The following MED12L variants were observed in gnomAD, a reference collection of about 807,000 sequenced individuals.
MED12L encodes mediator of RNA polymerase II transcription subunit 12-like protein.
Under a neutral mutation model 281.3 loss-of-function variants are expected in MED12L, and 60 were observed. That is an observed-to-expected ratio of 0.21 (90% CI 0.17 to 0.26). MED12L has a LOEUF of 0.26. Among genes scored for constraint, MED12L ranks in the 10% least tolerant of loss-of-function variants. The pLI is 1.00. For synonymous variants in MED12L, 974 were observed against 987.2 expected, an observed-to-expected ratio of 0.99 and a Z score of 0.25; for missense variants, 2,146 against 2,680.9, an observed-to-expected ratio of 0.80 and a Z score of 4.41.
chr3:151,184,928 T>TG (rs1576912586), intron 11 of MED12L, among the ~76,000 whole-genome samples: 1 of 152,030 alleles, frequency 6.6e-6, no homozygotes, highest in Non-Finnish European at 1.5e-5. Flanking sequence ...ATTGAGTGAG[T>TG]GGGGGGCCTG....
At chr3:151,255,861 ATC>A (rs1387146125) in intron 16 of MED12L, among the ~76,000 whole-genome samples, 1 of 152,162 alleles carries the variant, frequency 6.6e-6, no homozygotes, top group African/African-American at 2.4e-5. Flanking sequence ...TGGTAATGTA[ATC>A]TCTCTCAATC....
At chr3:151,267,852 A>T (rs1429649875) in intron 16 of MED12L, among the ~76,000 whole-genome samples, 1 of 152,208 alleles carries the variant, frequency 6.6e-6, no homozygotes, top group Non-Finnish European at 1.5e-5. Flanking sequence ...AATATCAAGG[A>T]AACAGCTGTC....
chr3:151,344,832 T>C (rs559646644), intron 16 of MED12L, among the ~76,000 whole-genome samples: 1 of 152,186 alleles, frequency 6.6e-6, no homozygotes, highest in Non-Finnish European at 1.5e-5. Context: ...ATTGTTGAAA[T>C]ATCAGAAAAT....
chr3:151,332,751 C>G (rs201632851), intron 16 of MED12L, among the ~76,000 whole-genome samples: 4 of 149,930 alleles, frequency 2.7e-5, no homozygotes. Context: ...TTTTTTTTAA[C>G]TTTATTTTAG....
At chr3:151,328,798 C>T in intron 16 of MED12L, 2 of 1,613,850 alleles carry the variant, frequency 1.2e-6, no homozygotes, top group Non-Finnish European at 1.7e-6. Context: ...AGTCGGCCAC[C>T]AAAGTGTTTT....
intron 39 of MED12L, among the ~76,000 whole-genome samples, chr3:151,404,345 G>A (rs1342668679): frequency 1.3e-5 from 2 of 152,156 alleles, no homozygotes; most frequent in African/African-American, 4.8e-5. Context: ...GTTTTAGAAT[G>A]AATCAGACTA....
intron 16 of MED12L, among the ~76,000 whole-genome samples, chr3:151,333,676 A>G (rs1750607569): frequency 6.6e-6 from 1 of 152,238 alleles, no homozygotes; most frequent in Non-Finnish European, 1.5e-5. Flanking sequence ...GTTTCCTAGA[A>G]GAAGGATTAT....
At position 151,277,780 on chromosome 3, in the gene MED12L, T is replaced by C. The variant is rs75130190; in HGVS notation, c.2251-72279T>C. Among the ~76,000 whole-genome samples the C allele has an allele frequency of 2.4e-4, 37 of 152,340 alleles. No homozygotes were observed. The East Asian group carries it at 7.1e-3, about 29-fold the overall frequency. ...AAAGGCATTTTATTTTAGTAGGTGT[T>C]AATGGGGTTAACTTATCCTAATAAT... On this transcript the variant is annotated intron_variant, in intron 16 of 44. Coordinates refer to ENST00000687756, the MANE Select transcript of MED12L (RefSeq NM_001393769.1).
Position 151,436,552 on chromosome 3 carries a change from C to G in MED12L, c.*3748C>G. 1 of 614,618 alleles carries G rather than the reference C, an allele frequency of 1.6e-6. No homozygotes were observed. The highest frequency in any genetic ancestry group is 3.3e-5 in the Admixed American group (1 of 30,062). 38.1% of individuals were successfully genotyped at this position (614,618 alleles called of 1,614,324 possible). ...TTCATAATGCATTTATTTACAAGTC[C>G]TTTTATTTTGCATGTTCATTGTAAA... On this transcript the variant is annotated 3_prime_UTR_variant, in exon 45 of 45. Coordinates refer to ENST00000687756, the MANE Select transcript of MED12L (RefSeq NM_001393769.1).
intron 16 of MED12L, among the ~76,000 whole-genome samples, chr3:151,231,815 G>A (rs1029928697): frequency 1.3e-5 from 2 of 152,164 alleles, no homozygotes; most frequent in Non-Finnish European, 1.5e-5. Context: ...GTGGTTAAGC[G>A]AGAGAGTATT....
chr3:151,164,868 G>GGT (rs1720481106), intron 9 of MED12L, among the ~76,000 whole-genome samples: 1 of 151,986 alleles, frequency 6.6e-6, no homozygotes, highest in African/African-American at 2.4e-5. Context: ...GGGGGTAGGG[G>GGT]GTAGGGATGG....
rs544136533 is a variant in MED12L at position 151,317,620 on chromosome 3, T to G, written c.2251-32439T>G. On this transcript the variant is annotated intron_variant, in intron 16 of 44. Transcript: ENST00000687756. ...TGCCCACGACTACACCCGGCTAATT[T>G]TTTGTATTTTTAGTAGAGACGGGGT... Among the ~76,000 whole-genome samples, 607 of 151,572 alleles carry G rather than the reference T, an allele frequency of 4.0e-3. 2 individuals are homozygous for G. The highest frequency in any genetic ancestry group is 0.013 in the African/African-American group (542 of 41,268).
At chr3:151,130,704 C>T (rs1472195576) in intron 5 of MED12L, among the ~76,000 whole-genome samples, 2 of 152,196 alleles carry the variant, frequency 1.3e-5, no homozygotes, top group Non-Finnish European at 2.9e-5. Context: ...TGGGCCTGCT[C>T]CCTTGCTCCA....
chr3:151,360,770 A>G (rs1382218340), intron 21 of MED12L, among the ~76,000 whole-genome samples, 165 bp downstream of exon 21: 2 of 152,158 alleles, frequency 1.3e-5, no homozygotes, highest in Admixed American at 6.6e-5. Flanking sequence ...ATATTAAAAT[A>G]GACAGGGACA....
intron 6 of MED12L, 135 bp from the exon 7 acceptor site, chr3:151,158,554 G>T: frequency 1.8e-6 from 1 of 570,908 alleles, no homozygotes. Flanking sequence ...TTTAGAATTT[G>T]GACTGTGAGC....
At chr3:151,137,703 T>TC (rs1043394089) in intron 5 of MED12L, among the ~76,000 whole-genome samples, 1 of 152,216 alleles carries the variant, frequency 6.6e-6, no homozygotes, top group African/African-American at 2.4e-5. Context: ...ACATGAACAA[T>TC]CAAATGATTT....
intron 6 of MED12L, 94 bp downstream of exon 6, chr3:151,156,424 T>C (rs1719293385): frequency 3.3e-6 from 4 of 1,205,850 alleles, no homozygotes; most frequent in Non-Finnish European, 4.6e-6. Context: ...AATCCTATTT[T>C]ACATGAACCA....
intron 23 of MED12L, 90 bp from the exon 24 acceptor site, chr3:151,367,556 T>G (rs948517107): frequency 1.7e-6 from 2 of 1,175,912 alleles, no homozygotes; most frequent in Non-Finnish European, 2.3e-6. Context: ...TGAGATCTTA[T>G]TGGTATTGCC....
intron 2 of MED12L, among the ~76,000 whole-genome samples, chr3:151,097,167 C>T (rs770889332): frequency 6.6e-6 from 1 of 152,130 alleles, no homozygotes; most frequent in African/African-American, 2.4e-5. Flanking sequence ...TTGAGATACC[C>T]CCTTATTTAT....
Sources: allele counts gnomAD v4.1 joint callset (sites outside exome capture counted in the v4.1 genomes callset), GRCh38; gene constraint gnomAD v4.1.1; transcripts MANE v1.5; gene names NCBI Gene and HGNC (gene_info 2026-07-23, HGNC 2026-07-21).